KDM2B: variants seen among roughly 807,000 people sequenced by gnomAD.
KDM2B encodes the protein lysine-specific demethylase 2B.
Under a neutral mutation model 150.0 loss-of-function variants are expected in KDM2B, and 26 were observed. The ratio of observed to expected loss-of-function variants is 0.17; its 90% CI spans 0.13 to 0.24. The LOEUF (loss-of-function observed/expected upper bound fraction) is 0.24, where lower values mean the gene tolerates loss of function less well. KDM2B is among the 10% of genes least tolerant of loss of function. The pLI is 1.00. For synonymous variants in KDM2B, 734 were observed against 729.5 expected (o/e 1.01, Z -0.10); for missense variants, 1,265 against 1,816.9 (o/e 0.70, Z 5.52).
intron 12 of KDM2B, among the ~76,000 whole-genome samples, chr12:121,484,446 G>A (rs1555298458): frequency 3.3e-5 from 5 of 152,154 alleles, no homozygotes; most frequent in African/African-American, 1.2e-4. Flanking sequence ...ATGAGAGGAA[G>A]TCAGGAGAGT....
intron 4 of KDM2B, among the ~76,000 whole-genome samples, chr12:121,560,334 C>T (rs1179539504): frequency 4.6e-5 from 7 of 152,190 alleles, no homozygotes; most frequent in Non-Finnish European, 8.8e-5. Context: ...AACTCAGTTG[C>T]CTTGTGTGTA....
In KDM2B at chr12:121,549,338, G is replaced by T; in HGVS notation, c.576+122C>A. 1.1e-6 allele frequency: 1 copy of T among 894,620 alleles called. No individual in the cohort carries two copies. The highest frequency in any genetic ancestry group is 2.5e-5 in the East Asian group (1 of 39,428). The allele number at this position is 894,620 out of a possible 1,614,324, so 55.4% of individuals were successfully genotyped here. A position where few individuals can be genotyped will look rare whatever the true frequency, so the allele number is the denominator to read the frequency against. On this transcript the variant is annotated intron_variant, in intron 5 of 22. Transcript: ENST00000377071. This position sits in a 1 kb window ranked among gnomAD's most constrained non-coding sequence, Gnocchi z 4.4. The stretch of plus-strand genomic sequence containing the variant: ...ACCAACCTTAGTCACCCCTATGCCT[G>T]CCAAGCCCAGCCAGCCACACCCACA...
At chr12:121,466,872 G>T (rs1880056750) in intron 12 of KDM2B, among the ~76,000 whole-genome samples, 1 of 145,912 alleles carries the variant, frequency 6.9e-6, no homozygotes, top group Admixed American at 6.8e-5. Context: ...CGCCCGGCAG[G>T]CCCGCCCGAC....
chr12:121,409,860 G>T, the KDM2B span: 1 of 152,382 alleles, frequency 6.6e-6, no homozygotes, highest in East Asian at 1.9e-4. Flanking sequence ...TGAATGTAAA[G>T]AAATTATGTT....
At chr12:121,530,734 A>G (rs1887598408) in intron 8 of KDM2B, among the ~76,000 whole-genome samples, 1 of 152,082 alleles carries the variant, frequency 6.6e-6, no homozygotes. Context: ...AGCCACGCCC[A>G]CACCCCTGCT....
At position 121,521,183 on chromosome 12, in the gene KDM2B, G is replaced by A. The variant is rs559053817; in HGVS notation, c.932-83C>T. The A allele has an allele frequency of 3.8e-5, 35 of 913,388 alleles. No homozygotes were observed. In the African/African-American group the frequency reaches 4.4e-4, roughly 12 times the overall value. 56.6% of individuals were successfully genotyped at this position (913,388 alleles called of 1,614,324 possible). Reference sequence around the variant, plus strand: ...TCACAAGGCTGCAGGGAGGGAGAGCGAGCGTGCAGGAGGGTGCAGGGAGTG... The same window carrying A: ...TCACAAGGCTGCAGGGAGGGAGAGCAAGCGTGCAGGAGGGTGCAGGGAGTG... On this transcript the variant is annotated intron_variant, in intron 8 of 22. Coordinates refer to ENST00000377071, the MANE Select transcript of KDM2B (RefSeq NM_032590.5). This position sits in a 1 kb window ranked among gnomAD's most constrained non-coding sequence, Gnocchi z 4.9.
chr12:121,548,637 C>T (rs782123031), intron 6 of KDM2B, among the ~76,000 whole-genome samples: 3 of 152,228 alleles, frequency 2.0e-5, no homozygotes, highest in Non-Finnish European at 4.4e-5. Context: ...GATCACAGAT[C>T]CCCAGGGGAG....
chr12:121,427,720 TC>T (rs67725241), downstream of KDM2B, among the ~76,000 whole-genome samples: 47,147 of 151,830 alleles, frequency 0.31, 8,869 homozygotes, highest in East Asian at 0.43. Flanking sequence ...GTGGCTTGGA[TC>T]CCCAGCCCTG....
intron 12 of KDM2B, among the ~76,000 whole-genome samples, chr12:121,465,897 C>A (rs1159271423): frequency 2.0e-5 from 3 of 152,160 alleles, no homozygotes; most frequent in Non-Finnish European, 4.4e-5. Context: ...GCCATTCACA[C>A]GTAGGGCTAC....
chr12:121,544,855 G>A (rs960069779), intron 6 of KDM2B, among the ~76,000 whole-genome samples: 32 of 152,162 alleles, frequency 2.1e-4, no homozygotes, highest in African/African-American at 7.5e-4. Flanking sequence ...GGAGGTTGCA[G>A]TGAGCCGAGA....
chr12:121,471,169 T>C (rs1212098617), intron 12 of KDM2B, among the ~76,000 whole-genome samples: 2 of 152,192 alleles, frequency 1.3e-5, no homozygotes, highest in Admixed American at 6.6e-5. Flanking sequence ...GCATGTACAC[T>C]GTGCTTTTGG....
chr12:121,415,557 A>G, the KDM2B span, among the ~76,000 whole-genome samples: 5 of 152,194 alleles, frequency 3.3e-5, no homozygotes, highest in African/African-American at 1.2e-4. Context: ...TGGAGGTTGC[A>G]GTGAGCCGAG....
At chr12:121,532,749 C>T in intron 8 of KDM2B, 57 bp downstream of exon 8, 1 of 1,589,138 alleles carries the variant, frequency 6.3e-7, no homozygotes, top group Non-Finnish European at 8.6e-7. Context: ...GGGCCTAAAA[C>T]CCTGGCTCAG....
At chr12:121,579,697 T>G in intron 1 of KDM2B, 1 of 1,117,894 alleles carries the variant, frequency 8.9e-7, no homozygotes, top group Non-Finnish European at 1.1e-6. Context: ...TCCCCCTGCC[T>G]CCTCCCTCCA....
intron 12 of KDM2B, among the ~76,000 whole-genome samples, chr12:121,493,369 A>C (rs1446327085): frequency 6.6e-6 from 1 of 152,092 alleles, no homozygotes; most frequent in African/African-American, 2.4e-5. Context: ...TAGTTCTGAC[A>C]ACCACTGAAG....
intron 12 of KDM2B, among the ~76,000 whole-genome samples, chr12:121,474,093 G>A (rs1418006658): frequency 6.6e-6 from 1 of 152,210 alleles, no homozygotes; most frequent in African/African-American, 2.4e-5. Flanking sequence ...GGAGCAGGGA[G>A]TGACAGCTGA....
chr12:121,448,709 T>C (rs2138521605), intron 13 of KDM2B, among the ~76,000 whole-genome samples: 1 of 152,224 alleles, frequency 6.6e-6, no homozygotes, highest in East Asian at 1.9e-4. Flanking sequence ...TGAATTCTAA[T>C]AAACAGGACA....
chr12:121,438,926 G>A (rs1361879332), intron 22 of KDM2B, among the ~76,000 whole-genome samples: 1 of 151,760 alleles, frequency 6.6e-6, no homozygotes, highest in Non-Finnish European at 1.5e-5. Flanking sequence ...TAAGCTACCA[G>A]ACCAAAATTG....
intron 12 of KDM2B, among the ~76,000 whole-genome samples, chr12:121,456,655 G>A (rs542470223): frequency 8.5e-5 from 13 of 152,132 alleles, no homozygotes; most frequent in Non-Finnish European, 1.6e-4. Context: ...TCCCTGCCCC[G>A]AGGACAGTGT....
Sources: gnomAD v4.1 joint callset for allele counts (sites outside exome capture counted in the v4.1 genomes callset) on GRCh38, gnomAD v4.1.1 for gene constraint, Gnocchi (gnomAD v3.1) non-coding constraint, MANE v1.5 for transcripts, NCBI Gene and HGNC (gene_info 2026-07-23, HGNC 2026-07-21) for gene names.